ZEB1: variants seen among roughly 807,000 people sequenced by gnomAD.
ZEB1 encodes the protein zinc finger E-box-binding homeobox 1.
Under a neutral mutation model 84.9 loss-of-function variants are expected in ZEB1, and 21 were observed. The observed-to-expected ratio is 0.25, with a 90% CI of 0.18 to 0.36. The LOEUF is 0.36. Among genes scored for constraint, ZEB1 ranks in the 10% least tolerant of loss-of-function variants. The probability of loss-of-function intolerance (pLI) is 1.00; values close to 1 mark genes in which losing one functional copy is unlikely to be tolerated. For synonymous variants in ZEB1, 420 were observed against 471.1 expected (o/e 0.89, Z 1.41); for missense variants, 1,104 against 1,330.2 (o/e 0.83, Z 2.65).
Position 31,520,441 on chromosome 10 carries a change from C to T in ZEB1, c.1109C>T (p.Pro370Leu). The change falls in exon 7 of 9, where the codon CCT becomes CTT. Residue 370 changes from proline to leucine, a missense_variant. By Grantham distance (98) the Pro-to-Leu change is moderately conservative. Coordinates refer to ENST00000424869, the MANE Select transcript of ZEB1 (RefSeq NM_001174096.2). This position sits in a 1 kb window ranked among gnomAD's most constrained non-coding sequence, Gnocchi z 5.1. ...VVASGINCST[P>L]LQNGVFTGGG... ...GCTTCAGGAATCAACTGTTCAACCCCTTTACAAAATGGGGTTTTCACTGGT... is the reference window on the plus strand; with the variant it reads ...GCTTCAGGAATCAACTGTTCAACCCTTTTACAAAATGGGGTTTTCACTGGT... 6.2e-7 allele frequency: 1 copy of T among 1,613,986 alleles called. No homozygotes were observed. The highest frequency in any genetic ancestry group is 1.1e-5 in the South Asian group (1 of 91,082).
intron 1 of ZEB1, among the ~76,000 whole-genome samples, chr10:31,441,391 G>T (rs771249621): frequency 1.3e-5 from 2 of 152,016 alleles, no homozygotes; most frequent in South Asian, 2.1e-4. Flanking sequence ...CCTTACACCT[G>T]ATACAAAAAT....
chr10:31,510,841 G>A lies in ZEB1; in HGVS notation c.653G>A (p.Arg218His), dbSNP rs771563543. 12 of 1,613,720 alleles carry A rather than the reference G, an allele frequency of 7.4e-6. No individual in the cohort carries two copies. Among genetic ancestry groups the A allele is most frequent in the Non-Finnish European group, 8.5e-6 (10 of 1,179,882 alleles). ...TTTGCATACAGAACCCAACTTGAAC[G>A]TCACATGACATCACATAAATCAGGA... is the stretch of plus-strand genomic sequence containing the variant. The part of the protein sequence containing the change: ...YTFAYRTQLE[R>H]HMTSHKSGRD... The change falls in exon 5 of 9, where the codon CGT becomes CAT. Residue 218 changes from arginine (R) to histidine (H), a missense_variant. Arg to His is a conservative substitution (Grantham distance 29). Transcript: ENST00000424869.
At chr10:31,475,230 CAAATT>C (rs752582091) in intron 2 of ZEB1, among the ~76,000 whole-genome samples, 38 of 147,532 alleles carry the variant, frequency 2.6e-4, no homozygotes, top group Non-Finnish European at 4.9e-4. Flanking sequence ...AAAAAAAAAA[CAAATT>C]AACCCAATCA....
chr10:31,448,145 C>T (rs1239039052), intron 1 of ZEB1, among the ~76,000 whole-genome samples: 3 of 143,034 alleles, frequency 2.1e-5, no homozygotes, highest in Admixed American at 7.0e-5. Flanking sequence ...CTTCCCTTCT[C>T]GCTTCATTTC....
rs765378809 is a variant in ZEB1 at position 31,461,088 on chromosome 10, A to G, written c.110A>G (p.Asp37Gly). The G allele has an allele frequency of 7.6e-5, 123 of 1,613,398 alleles. No homozygotes were observed. The highest frequency in any genetic ancestry group is 9.9e-5 in the Non-Finnish European group (117 of 1,179,656). The change falls in exon 2 of 9, where the codon GAC (aspartate) becomes GGC (glycine). Residue 37 changes from aspartate (D) to glycine (G), a missense_variant. Coordinates refer to ENST00000424869, the MANE Select transcript of ZEB1 (RefSeq NM_001174096.2). ...VETNSDSDDE[D>G]KLHIVEEESV... ...ACAAATTCAGATTCAGATGATGAAG[A>G]CAAACTGCATATTGTGGAAGAAGAA...
intron 1 of ZEB1, among the ~76,000 whole-genome samples, chr10:31,445,592 T>C (rs533656616): frequency 7.2e-5 from 11 of 152,264 alleles, no homozygotes; most frequent in Non-Finnish European, 1.0e-4. Flanking sequence ...TACGTCCCAT[T>C]AATACCTAAT....
At chr10:31,512,751 G>C (rs527771713) in intron 5 of ZEB1, among the ~76,000 whole-genome samples, 1 of 152,276 alleles carries the variant, frequency 6.6e-6, no homozygotes, top group Admixed American at 6.5e-5. Context: ...AATACAGCAG[G>C]ATAAGAGGAT....
intron 5 of ZEB1, among the ~76,000 whole-genome samples, chr10:31,512,785 T>C (rs2070332528): frequency 6.6e-6 from 1 of 152,124 alleles, no homozygotes; most frequent in African/African-American, 2.4e-5. Context: ...AGCTGCTAGG[T>C]TTCACAGAGA....
intron 1 of ZEB1, among the ~76,000 whole-genome samples, chr10:31,447,486 G>A (rs2059936858): frequency 7.6e-6 from 1 of 130,916 alleles, no homozygotes; most frequent in African/African-American, 3.0e-5. Context: ...TTGCTCGTTA[G>A]TTCATGCAGT....
intron 2 of ZEB1, among the ~76,000 whole-genome samples, chr10:31,467,376 G>GC (rs1239143233): frequency 6.6e-6 from 1 of 152,042 alleles, no homozygotes; most frequent in Admixed American, 6.5e-5. Context: ...TCTGCTGTCT[G>GC]CCACACCAGG....
upstream of ZEB1, chr10:31,318,527 G>GA (rs952865198): frequency 2.6e-5 from 4 of 153,288 alleles, no homozygotes; most frequent in African/African-American, 9.6e-5. Context: ...CGCTTGGGGG[G>GA]AAACCAGGCG....
chr10:31,468,480 G>A (rs1189316639), intron 2 of ZEB1, among the ~76,000 whole-genome samples: 4 of 152,164 alleles, frequency 2.6e-5, no homozygotes, highest in Admixed American at 6.5e-5. Flanking sequence ...AGGGTGAACT[G>A]CACAACCCAA....
At chr10:31,481,926 C>G (rs2065092263) in intron 2 of ZEB1, among the ~76,000 whole-genome samples, 1 of 151,912 alleles carries the variant, frequency 6.6e-6, no homozygotes, top group Non-Finnish European at 1.5e-5. Flanking sequence ...GGAGACTCAC[C>G]ATTAGGCAAA....
chr10:31,322,356 A>C (rs900208661), intron 1 of ZEB1, among the ~76,000 whole-genome samples: 1 of 152,252 alleles, frequency 6.6e-6, no homozygotes, highest in African/African-American at 2.4e-5. Flanking sequence ...TTAATGAAGA[A>C]ATATGTGATA....
At chr10:31,469,361 TGC>T (rs2062865205) in intron 2 of ZEB1, among the ~76,000 whole-genome samples, 1 of 152,114 alleles carries the variant, frequency 6.6e-6, no homozygotes, top group African/African-American at 2.4e-5. Flanking sequence ...GCGCGCACCA[TGC>T]GTGAGCCGAA....
At chr10:31,517,208 A>G (rs951440199) in intron 6 of ZEB1, among the ~76,000 whole-genome samples, 1 of 152,050 alleles carries the variant, frequency 6.6e-6, no homozygotes, top group Admixed American at 6.6e-5. Context: ...GTTGAGAATC[A>G]GGATCCAAAA....
chr10:31,357,411 A>G (rs1167456812), intron 1 of ZEB1, among the ~76,000 whole-genome samples: 1 of 152,134 alleles, frequency 6.6e-6, no homozygotes, highest in African/African-American at 2.4e-5. Context: ...GAGACAGTTG[A>G]TATTGGAGCA....
intron 5 of ZEB1, among the ~76,000 whole-genome samples, chr10:31,511,535 G>T (rs2070020468): frequency 6.6e-6 from 1 of 152,068 alleles, no homozygotes; most frequent in Non-Finnish European, 1.5e-5. Context: ...AGTCAAAAAA[G>T]CTTTTATCAG....
chr10:31,348,773 A>G (rs2040794744), intron 1 of ZEB1, among the ~76,000 whole-genome samples: 1 of 152,172 alleles, frequency 6.6e-6, no homozygotes, highest in Admixed American at 6.5e-5. Flanking sequence ...TTATTCATTC[A>G]TTTACACAAA....
Sources: allele counts gnomAD v4.1 joint callset (sites outside exome capture counted in the v4.1 genomes callset), GRCh38; gene constraint gnomAD v4.1.1; non-coding constraint Gnocchi (gnomAD v3.1); transcripts MANE v1.5; gene names NCBI Gene and HGNC (gene_info 2026-07-23, HGNC 2026-07-21).